PTPRD: variants seen among roughly 807,000 people sequenced by gnomAD.
PTPRD encodes receptor-type tyrosine-protein phosphatase delta.
PTPRD carries 34 observed loss-of-function variants against 214.5 expected under a neutral mutation model. The observed-to-expected ratio is 0.16, with a 90% CI of 0.12 to 0.21. The LOEUF (loss-of-function observed/expected upper bound fraction) is 0.21. PTPRD is among the 10% of genes least tolerant of loss of function. PTPRD has a pLI of 1.00. For missense variants in PTPRD, 2,545 were observed against 2,398.7 expected, an observed-to-expected ratio of 1.06 and a Z score of -1.27; for synonymous variants, 1,128 against 845.7, an observed-to-expected ratio of 1.33 and a Z score of -5.79.
chr9:9,635,715 G>A (rs16929952), intron 7 of PTPRD, among the ~76,000 whole-genome samples: 2,569 of 152,178 alleles, frequency 0.017, 71 homozygotes, highest in African/African-American at 0.059. Flanking sequence ...TTACTTCAGC[G>A]AGCCTGAAAC....
At chr9:10,306,798 C>T (rs1179476380) in intron 3 of PTPRD, among the ~76,000 whole-genome samples, 2 of 152,088 alleles carry the variant, frequency 1.3e-5, no homozygotes, top group African/African-American at 4.8e-5. Context: ...ATGAACTCAG[C>T]TGTACTGTTT....
At position 8,532,168 on chromosome 9, in the gene PTPRD, G is replaced by A. The variant is rs371296593; in HGVS notation, c.353-3389C>T. ...AAATTTTCATGAGAAACATCACAAT[G>A]TAACAGATTCAAATAGCCAGAGCTG... On this transcript the variant is annotated intron_variant, in intron 14 of 45. Transcript: ENST00000381196. Among the ~76,000 whole-genome samples the A allele has an allele frequency of 4.6e-5, 7 of 152,024 alleles. No homozygotes were observed. The East Asian group carries it at 9.6e-4, about 21-fold the overall frequency.
At chr9:10,363,456 G>A (rs58642245) in intron 2 of PTPRD, among the ~76,000 whole-genome samples, 10,320 of 152,218 alleles carry the variant, frequency 0.068, 1,164 homozygotes, top group African/African-American at 0.24. Flanking sequence ...AAACTGAAAA[G>A]TGACATTTCT....
chr9:9,877,929 C>T (rs149382623), intron 5 of PTPRD, among the ~76,000 whole-genome samples: 2,432 of 146,288 alleles, frequency 0.017, 67 homozygotes, highest in African/African-American at 0.059. Context: ...GCTGAGATCA[C>T]GCCATTGCAC....
At chr9:9,368,344 C>T (rs10977684) in intron 9 of PTPRD, among the ~76,000 whole-genome samples, 13,122 of 151,792 alleles carry the variant, frequency 0.086, 846 homozygotes, top group Non-Finnish European at 0.14. Context: ...TAGCATAAAT[C>T]GGGCATAGGA....
intron 39 of PTPRD, among the ~76,000 whole-genome samples, chr9:8,349,314 G>A (rs2074767943): frequency 6.6e-6 from 1 of 152,008 alleles, no homozygotes; most frequent in Admixed American, 6.6e-5. Flanking sequence ...AAGTATCCCA[G>A]CCTACTTTTG....
At chr9:8,740,594 C>A (rs1027216284) in intron 11 of PTPRD, among the ~76,000 whole-genome samples, 17 of 152,058 alleles carry the variant, frequency 1.1e-4, no homozygotes, top group African/African-American at 4.1e-4. Context: ...AAACCAAGCA[C>A]CTCTGAATAA....
At chr9:9,225,268 T>A (rs2099958686) in intron 9 of PTPRD, among the ~76,000 whole-genome samples, 2 of 152,040 alleles carry the variant, frequency 1.3e-5, no homozygotes, top group African/African-American at 4.8e-5. Context: ...ATCTGATCCA[T>A]TAACATATGA....
intron 12 of PTPRD, among the ~76,000 whole-genome samples, chr9:8,641,791 G>C (rs979380709): frequency 1.3e-5 from 2 of 152,192 alleles, no homozygotes; most frequent in Admixed American, 6.5e-5. Context: ...TAAGAAGTTA[G>C]ATTGTTTCTT....
At chr9:9,959,725 C>G (rs181447906) in intron 4 of PTPRD, among the ~76,000 whole-genome samples, 1 of 152,034 alleles carries the variant, frequency 6.6e-6, no homozygotes, top group African/African-American at 2.4e-5. Context: ...TACAGGTTAA[C>G]AATTCTGATA....
chr9:10,308,131 A>G (rs1186838534), intron 3 of PTPRD, among the ~76,000 whole-genome samples: 1 of 151,974 alleles, frequency 6.6e-6, no homozygotes, highest in African/African-American at 2.4e-5. Flanking sequence ...TAGCCATAAA[A>G]TCTTTGCCTA....
intron 7 of PTPRD, among the ~76,000 whole-genome samples, chr9:9,665,044 T>C (rs2096691575): frequency 6.6e-6 from 1 of 151,718 alleles, no homozygotes; most frequent in African/African-American, 2.4e-5. Context: ...TCACTCTTCA[T>C]ATGTGTATAT....
At chr9:10,488,293 G>T (rs1589287456) in intron 2 of PTPRD, among the ~76,000 whole-genome samples, 2 of 151,444 alleles carry the variant, frequency 1.3e-5, no homozygotes, top group Non-Finnish European at 2.9e-5. Context: ...CACGAACCTG[G>T]GAGGCGGAGC....
chr9:10,594,553 T>A (rs1229270216), intron 2 of PTPRD, among the ~76,000 whole-genome samples: 5 of 152,026 alleles, frequency 3.3e-5, no homozygotes, highest in African/African-American at 1.2e-4. Context: ...ATGCCTTCAA[T>A]AAAATGCTAC....
At chr9:8,508,252 G>T (rs980001091) in intron 21 of PTPRD, among the ~76,000 whole-genome samples, 2 of 152,186 alleles carry the variant, frequency 1.3e-5, no homozygotes, top group Non-Finnish European at 1.5e-5. Flanking sequence ...TTTATCAGCT[G>T]TAACAAAGAA....
At chr9:8,388,297 G>A (rs981419991) in intron 37 of PTPRD, among the ~76,000 whole-genome samples, 11 of 152,112 alleles carry the variant, frequency 7.2e-5, no homozygotes, top group African/African-American at 2.4e-4. Context: ...CAGTAAATGG[G>A]GAATCAGGCT....
chr9:10,333,244 A>G (rs912361573), intron 3 of PTPRD, among the ~76,000 whole-genome samples: 4 of 151,796 alleles, frequency 2.6e-5, no homozygotes, highest in Non-Finnish European at 5.9e-5. Context: ...AAAATTCAGT[A>G]AGCAGATCTC....
chr9:9,484,883 T>C (rs999498198), intron 8 of PTPRD, among the ~76,000 whole-genome samples: 2 of 152,126 alleles, frequency 1.3e-5, no homozygotes, highest in African/African-American at 4.8e-5. Flanking sequence ...CAGTAAACAA[T>C]AGGCTTCTAC....
At chr9:8,921,768 A>T (rs1026575701) in intron 11 of PTPRD, among the ~76,000 whole-genome samples, 3 of 152,170 alleles carry the variant, frequency 2.0e-5, no homozygotes, top group Admixed American at 6.5e-5. Context: ...TGTTGGGATT[A>T]CAGGAGTGAG....
Sources: allele counts gnomAD v4.1 joint callset (sites outside exome capture counted in the v4.1 genomes callset), GRCh38; gene constraint gnomAD v4.1.1; transcripts MANE v1.5; gene names NCBI Gene and HGNC (gene_info 2026-07-23, HGNC 2026-07-21).